EPHB3: variants seen among roughly 807,000 people sequenced by gnomAD.
The protein encoded by EPHB3 is ephrin type-B receptor 3.
A neutral mutation model predicts 100.2 loss-of-function variants in EPHB3; 33 were observed. The observed-to-expected ratio is 0.33, with a 90% CI of 0.25 to 0.44. The LOEUF (loss-of-function observed/expected upper bound fraction) is 0.44, where lower values mean the gene tolerates loss of function less well. EPHB3 is among the 20% of genes least tolerant of loss of function. EPHB3 has a pLI of 1.00. For synonymous variants in EPHB3, 526 were observed against 554.7 expected (o/e 0.95, Z 0.73); for missense variants, 1,045 against 1,378.3 (o/e 0.76, Z 3.83).
At chr3:184,570,240 A>G (rs1460039787) in intron 1 of EPHB3, among the ~76,000 whole-genome samples, 2 of 152,146 alleles carry the variant, frequency 1.3e-5, no homozygotes, top group African/African-American at 2.4e-5. Flanking sequence ...TGGGACTTAA[A>G]TGATAGGCAG....
intron 4 of EPHB3, 150 bp from the exon 5 acceptor site, chr3:184,576,692 T>C: frequency 2.8e-6 from 2 of 725,966 alleles, no homozygotes; most frequent in Non-Finnish European, 4.2e-6. Context: ...GGAGTCTGCC[T>C]GGTGAAGAAA....
chr3:184,566,719 C>A (rs1042880795), intron 1 of EPHB3, among the ~76,000 whole-genome samples: 3 of 152,222 alleles, frequency 2.0e-5, no homozygotes, highest in African/African-American at 7.2e-5. Flanking sequence ...CCCCTGCCCT[C>A]CTGCCCCGCT....
In EPHB3 at chr3:184,565,520, C is replaced by T. The variant is rs1306471565; in HGVS notation, c.118+3167C>T. ...CAGATCGCAGGAGGTGGGGCCAGCA[C>T]GTCCCCCTCCAGCCAAGCCTTGGTA... On this transcript the variant is annotated intron_variant, in intron 1 of 15. Transcript: ENST00000330394. The surrounding 1 kb of genome is among the most constrained non-coding windows in gnomAD (Gnocchi z 4.8). 3.3e-5 allele frequency among the ~76,000 whole-genome samples: 5 copies of T among 152,152 alleles called. No individual in the cohort carries two copies. Among genetic ancestry groups the T allele is most frequent in the African/African-American group, 1.2e-4 (5 of 41,436 alleles).
intron 1 of EPHB3, among the ~76,000 whole-genome samples, chr3:184,564,924 T>G (rs907974128): frequency 6.6e-6 from 1 of 152,096 alleles, no homozygotes; most frequent in Non-Finnish European, 1.5e-5. Flanking sequence ...CAACCTACCA[T>G]TTGGTTTCGT....
chr3:184,574,794 A>C (rs1162643905), intron 3 of EPHB3, among the ~76,000 whole-genome samples: 1 of 152,208 alleles, frequency 6.6e-6, no homozygotes, highest in Admixed American at 6.5e-5. Flanking sequence ...GGTCCCCGGC[A>C]GGAAATGCAT....
At chr3:184,575,474 A>G (rs558406903) in intron 3 of EPHB3, among the ~76,000 whole-genome samples, 18 of 152,062 alleles carry the variant, frequency 1.2e-4, no homozygotes, top group Non-Finnish European at 2.5e-4. Flanking sequence ...GGGTGCTGCT[A>G]GCCCACCGGT....
At position 184,578,199 on chromosome 3, in the gene EPHB3, C is replaced by T. The variant is rs1001427234; in HGVS notation, c.1748+193C>T. The T allele has an allele frequency of 1.5e-5, 13 of 861,282 alleles. No homozygotes were observed. The highest frequency in any genetic ancestry group is 1.4e-4 in the African/African-American group (8 of 58,866). The allele number at this position is 861,282 out of a possible 1,614,324, so 53.4% of individuals were successfully genotyped here. On this transcript the variant is annotated intron_variant, in intron 8 of 15. Coordinates refer to ENST00000330394, the MANE Select transcript of EPHB3 (RefSeq NM_004443.4). The surrounding 1 kb of genome is among the most constrained non-coding windows in gnomAD (Gnocchi z 4.7). ...TCTTCATCCCGCCCTTTCTCCATAC[C>T]CCATTCCCTGAATCTCCGGGCAGGT...
rs1714286811 is a variant in EPHB3, at chr3:184,562,619, C to CT, written c.118+267dup. Among the ~76,000 whole-genome samples the CT allele has an allele frequency of 6.6e-6, 1 of 152,126 alleles. No individual in the cohort carries two copies. Among genetic ancestry groups the CT allele is most frequent in the Non-Finnish European group, 1.5e-5 (1 of 68,010 alleles). On this transcript the variant is annotated intron_variant, in intron 1 of 15. Transcript: ENST00000330394. This position sits in a 1 kb window ranked among gnomAD's most constrained non-coding sequence, Gnocchi z 4.8. ...AACGTCCCCCAGAGTCCTGGCCCTGCTGTGAGCTTTCGCGGGAGTCCCCCA... is the reference window on the plus strand; with the variant it reads ...AACGTCCCCCAGAGTCCTGGCCCTGCTTGTGAGCTTTCGCGGGAGTCCCCCA...
At chr3:184,567,992 A>T (rs1714435668) in intron 1 of EPHB3, among the ~76,000 whole-genome samples, 1 of 152,138 alleles carries the variant, frequency 6.6e-6, no homozygotes, top group Admixed American at 6.5e-5. Flanking sequence ...CTCTGTGTGA[A>T]GCTGGGTGTG....
chr3:184,575,172 G>C, intron 3 of EPHB3: 1 of 985,420 alleles, frequency 1.0e-6, no homozygotes, highest in Non-Finnish European at 1.2e-6. Context: ...GGGGAGAAGG[G>C]ATGCTCAGGC....
intron 14 of EPHB3, 42 bp downstream of exon 14, chr3:184,581,207 A>G (rs1560065468): frequency 6.2e-7 from 1 of 1,607,746 alleles, no homozygotes; most frequent in Non-Finnish European, 8.5e-7. Flanking sequence ...CAGTAGCCCT[A>G]TCTCCCACCT....
rs987582010 is a variant in EPHB3, at chr3:184,569,957, C to G, written c.119-1361C>G. Among the ~76,000 whole-genome samples, 2 of 152,264 alleles carry G rather than the reference C, an allele frequency of 1.3e-5. No homozygotes were observed. The highest frequency in any genetic ancestry group is 4.8e-5 in the African/African-American group (2 of 41,480). ...GAGTTGGCACCTCTTTCCTTCCTTT[C>G]CTGACCCAGGTCTAATCTGGGGGTC... On this transcript the variant is annotated intron_variant, in intron 1 of 15. Transcript: ENST00000330394. The surrounding 1 kb of genome is among the most constrained non-coding windows in gnomAD (Gnocchi z 5.4).
chr3:184,574,897 AGATGAAACCCC>A (rs1389291677), intron 3 of EPHB3, among the ~76,000 whole-genome samples: 1 of 152,212 alleles, frequency 6.6e-6, no homozygotes, highest in Non-Finnish European at 1.5e-5. Context: ...TCGTGAGGGC[AGATGAAACCCC>A]AGAAAAGGGC....
In EPHB3 at chr3:184,563,375, G is replaced by A. The variant is rs1197744602; in HGVS notation, c.118+1022G>A. ...AAATTCGAGGGCAATTGGAATAAAG[G>A]CAGTACTTATTTGGGGTATCTTTAA... On this transcript the variant is annotated intron_variant, in intron 1 of 15. Coordinates refer to ENST00000330394, the MANE Select transcript of EPHB3 (RefSeq NM_004443.4). The surrounding 1 kb of genome is among the most constrained non-coding windows in gnomAD (Gnocchi z 4.1). Among the ~76,000 whole-genome samples, 2 of 152,328 alleles carry A rather than the reference G, an allele frequency of 1.3e-5. No individual in the cohort carries two copies. Among genetic ancestry groups the A allele is most frequent in the East Asian group, 1.9e-4 (1 of 5,184 alleles).
chr3:184,575,765 G>A (rs1384468041), intron 3 of EPHB3, 65 bp from the exon 4 acceptor site: 15 of 1,505,112 alleles, frequency 1.0e-5, no homozygotes, highest in Non-Finnish European at 1.3e-5. Flanking sequence ...TTCTCATGGA[G>A]CTGCGGAGGT....
chr3:184,565,911 C>T lies in EPHB3; in HGVS notation c.118+3558C>T, dbSNP rs188123192. 3.3e-5 allele frequency among the ~76,000 whole-genome samples: 5 copies of T among 152,236 alleles called. No individual in the cohort carries two copies. Among genetic ancestry groups the T allele is most frequent in the African/African-American group, 9.6e-5 (4 of 41,458 alleles). On this transcript the variant is annotated intron_variant, in intron 1 of 15. Coordinates refer to ENST00000330394, the MANE Select transcript of EPHB3 (RefSeq NM_004443.4). The surrounding 1 kb of genome is among the most constrained non-coding windows in gnomAD (Gnocchi z 4.8). ...TGCCGTGGGCAAGGCCTCTGCCGCA[C>T]GGCCTTCCACTAATTAAACAGCATG...
chr3:184,579,532 G>A lies in EPHB3; in HGVS notation c.1857G>A (p.Glu619=), dbSNP rs746405252. The change falls in exon 10 of 16, where the codon GAG becomes GAA. Residue 619 remains glutamate, a synonymous_variant. Transcript: ENST00000330394. The surrounding 1 kb of genome is among the most constrained non-coding windows in gnomAD (Gnocchi z 5.2). ...IDPFTYEDPN[E]AVREFAKEID... Reference sequence around the variant, plus strand: ...CTTTTACCTACGAGGACCCTAATGAGGCTGTTCGGGAGTTTGCCAAGGAGA... The same window carrying A: ...CTTTTACCTACGAGGACCCTAATGAAGCTGTTCGGGAGTTTGCCAAGGAGA... 1 of 1,613,978 alleles carries A rather than the reference G, an allele frequency of 6.2e-7. No homozygotes were observed. Among genetic ancestry groups the A allele is most frequent in the African/African-American group, 1.3e-5 (1 of 74,896 alleles).
Position 184,572,408 on chromosome 3 carries a change from G to C in EPHB3, c.184-96G>C. The C allele has an allele frequency of 7.3e-7, 1 of 1,376,922 alleles. No homozygotes were observed. Among genetic ancestry groups the C allele is most frequent in the African/African-American group, 1.5e-5 (1 of 67,528 alleles). 85.3% of individuals were successfully genotyped at this position (1,376,922 alleles called of 1,614,324 possible). On this transcript the variant is annotated intron_variant, in intron 2 of 15. Coordinates refer to ENST00000330394, the MANE Select transcript of EPHB3 (RefSeq NM_004443.4). This position sits in a 1 kb window ranked among gnomAD's most constrained non-coding sequence, Gnocchi z 6.6. ...TGCTCAGCCACTGCACACCATAGAA[G>C]CATCCCTGTGAAGTAAATAGAGCAG...
chr3:184,568,965 C>T (rs1020595434), intron 1 of EPHB3, among the ~76,000 whole-genome samples: 50 of 151,550 alleles, frequency 3.3e-4, no homozygotes, highest in Non-Finnish European at 6.6e-4. Flanking sequence ...CCCTCCTTCC[C>T]GCCGCCGCCT....
Sources: allele counts gnomAD v4.1 joint callset (sites outside exome capture counted in the v4.1 genomes callset), GRCh38; gene constraint gnomAD v4.1.1; non-coding constraint Gnocchi (gnomAD v3.1); transcripts MANE v1.5; gene names NCBI Gene and HGNC (gene_info 2026-07-23, HGNC 2026-07-21).